The following CACNA1E variants were observed in gnomAD, a reference collection of about 807,000 sequenced individuals.
The protein encoded by CACNA1E is calcium voltage-gated channel subunit alpha1 E.
CACNA1E carries 40 observed loss-of-function variants against 259.2 expected under a neutral mutation model. The observed-to-expected ratio is 0.15, with a 90% confidence interval of 0.12 to 0.20. The LOEUF (loss-of-function observed/expected upper bound fraction) is 0.20, where lower values mean the gene tolerates loss of function less well. Among genes scored for constraint, CACNA1E ranks in the 10% least tolerant of loss-of-function variants. The probability of loss-of-function intolerance (pLI) is 1.00; values close to 1 mark genes in which losing one functional copy is unlikely to be tolerated. For synonymous variants in CACNA1E, 1,104 were observed against 1,138.5 expected, an observed-to-expected ratio of 0.97 and a Z score of 0.61; for missense variants, 1,874 against 3,040.1, an observed-to-expected ratio of 0.62 and a Z score of 9.02.
At chr1:181,791,616 A>T (rs1661317312) in intron 44 of CACNA1E, among the ~76,000 whole-genome samples, 1 of 152,216 alleles carries the variant, frequency 6.6e-6, no homozygotes, top group African/African-American at 2.4e-5. Flanking sequence ...CATTATTCCT[A>T]GTTCAGGAGC....
chr1:181,527,837 A>G (rs908501046), intron 3 of CACNA1E, among the ~76,000 whole-genome samples: 1 of 152,092 alleles, frequency 6.6e-6, no homozygotes, highest in Non-Finnish European at 1.5e-5. Context: ...AGAGAATATA[A>G]CACCTTAATA....
chr1:181,664,910 A>T lies in CACNA1E; in HGVS notation c.1055+13469A>T, dbSNP rs563792702. 2.6e-5 allele frequency among the ~76,000 whole-genome samples: 4 copies of T among 152,344 alleles called. No homozygotes were observed. The East Asian group carries it at 7.7e-4, about 29-fold the overall frequency. On this transcript the variant is annotated intron_variant, in intron 7 of 47. Coordinates refer to ENST00000367573, the MANE Select transcript of CACNA1E (RefSeq NM_001205293.3). ...AATCAAAACAAGGTACTGTTTTACA[A>T]GCATTTATCCTTTTTAAAGCGAACT...
At chr1:181,338,052 T>C (rs1651849336) in intron 1 of CACNA1E, among the ~76,000 whole-genome samples, 1 of 152,206 alleles carries the variant, frequency 6.6e-6, no homozygotes, top group African/African-American at 2.4e-5. Flanking sequence ...ATAGCCATAC[T>C]AACAGGTATA....
intron 7 of CACNA1E, among the ~76,000 whole-genome samples, chr1:181,687,345 T>C (rs1038809545): frequency 6.6e-6 from 1 of 152,202 alleles, no homozygotes; most frequent in Non-Finnish European, 1.5e-5. Flanking sequence ...ACAAGTTTCA[T>C]ACCCCCACTT....
At chr1:181,765,125 T>C (rs1301606352) in intron 34 of CACNA1E, among the ~76,000 whole-genome samples, 1 of 152,118 alleles carries the variant, frequency 6.6e-6, no homozygotes, top group Admixed American at 6.5e-5. Flanking sequence ...CCACACGATA[T>C]AAAGAGCATC....
Position 181,535,932 on chromosome 1 carries a change from C to T in CACNA1E, c.512+24422C>T, listed in dbSNP as rs188347207. On this transcript the variant is annotated intron_variant, in intron 3 of 47. Coordinates refer to ENST00000367573, the MANE Select transcript of CACNA1E (RefSeq NM_001205293.3). The stretch of plus-strand genomic sequence containing the variant: ...AAACTCCTGACCTCAGGTGGTCCAC[C>T]GACCTTGGCCTCCCAAAGTGCTGGG... 6.2e-4 allele frequency among the ~76,000 whole-genome samples: 95 copies of T among 152,198 alleles called. No individual in the cohort carries two copies. The East Asian group carries it at 0.016, about 26-fold the overall frequency.
Position 181,335,345 on chromosome 1 carries a change from GACTGAAACGGGAGT to G in CACNA1E, c.-15+17237_-15+17250del, listed in dbSNP as rs1329518206. Among the ~76,000 whole-genome samples, 6 of 152,208 alleles carry G rather than the reference GACTGAAACGGGAGT, an allele frequency of 3.9e-5. No individual in the cohort carries two copies. The East Asian group carries it at 9.6e-4, about 24-fold the overall frequency. ...GTCTTGACTGCACATAATGTCCCAA[GACTGAAACGGGAGT>G]ACTGAAACGGGAGTCTTGTCTTTCC... On this transcript the variant is annotated intron_variant, in intron 1 of 11. Coordinates refer to the CACNA1E transcript ENST00000524607.
intron 1 of CACNA1E, among the ~76,000 whole-genome samples, chr1:181,318,707 G>A (rs187580371): frequency 6.6e-6 from 1 of 152,340 alleles, no homozygotes; most frequent in Admixed American, 6.5e-5. Context: ...TTTCCGTGAA[G>A]GAAACTGCAT....
intron 9 of CACNA1E, among the ~76,000 whole-genome samples, chr1:181,715,702 G>A (rs1653819294): frequency 6.6e-6 from 1 of 152,118 alleles, no homozygotes. Flanking sequence ...AAATGTGTGG[G>A]GATCACCTTG....
chr1:181,483,384 C>T (rs896064431), upstream of CACNA1E: 11 of 176,852 alleles, frequency 6.2e-5, no homozygotes, highest in Non-Finnish European at 1.2e-4. Flanking sequence ...GCAGCCTACT[C>T]CACCCCTCTC....
chr1:181,442,109 C>T (rs1454029481), intron 2 of CACNA1E, among the ~76,000 whole-genome samples: 2 of 151,914 alleles, frequency 1.3e-5, no homozygotes, highest in Non-Finnish European at 2.9e-5. Flanking sequence ...TCCCATCTCA[C>T]TTGGGGCATG....
chr1:181,479,478 G>C (rs1451182676), upstream of CACNA1E, among the ~76,000 whole-genome samples: 1 of 152,164 alleles, frequency 6.6e-6, no homozygotes, highest in Non-Finnish European at 1.5e-5. Context: ...ATCCTTAATA[G>C]GACAGTGGAA....
At chr1:181,502,379 T>A (rs1445269273) in intron 1 of CACNA1E, among the ~76,000 whole-genome samples, 1 of 149,714 alleles carries the variant, frequency 6.7e-6, no homozygotes, top group African/African-American at 2.4e-5. Context: ...AATAGTTCTG[T>A]CTGTTTATTC....
At chr1:181,735,794 G>A (rs1175275478) in intron 21 of CACNA1E, among the ~76,000 whole-genome samples, 1 of 152,136 alleles carries the variant, frequency 6.6e-6, no homozygotes, top group Non-Finnish European at 1.5e-5. Context: ...ACCCATACTA[G>A]CTGTATGACC....
chr1:181,650,480 G>T (rs1212993490), intron 6 of CACNA1E, among the ~76,000 whole-genome samples: 1 of 152,212 alleles, frequency 6.6e-6, no homozygotes, highest in Non-Finnish European at 1.5e-5. Context: ...AGACTTCGAG[G>T]TGCTGTCAGG....
intron 3 of CACNA1E, among the ~76,000 whole-genome samples, chr1:181,531,095 C>T (rs1667750991): frequency 6.6e-6 from 1 of 152,152 alleles, no homozygotes; most frequent in African/African-American, 2.4e-5. Flanking sequence ...AGTGGTGTTT[C>T]CTTTGCAGCT....
intron 2 of CACNA1E, among the ~76,000 whole-genome samples, chr1:181,447,140 T>C (rs576650280): frequency 3.3e-5 from 5 of 152,270 alleles, no homozygotes; most frequent in Admixed American, 1.3e-4. Flanking sequence ...AATATCAAGG[T>C]TTCTCTTAGG....
At chr1:181,447,582 T>C (rs182866937) in intron 2 of CACNA1E, among the ~76,000 whole-genome samples, 38 of 152,052 alleles carry the variant, frequency 2.5e-4, no homozygotes, top group African/African-American at 9.2e-4. Context: ...AGTAAAGTGT[T>C]TTAGTTTTTC....
intron 7 of CACNA1E, among the ~76,000 whole-genome samples, chr1:181,694,210 A>G (rs892944717): frequency 6.6e-6 from 1 of 152,234 alleles, no homozygotes; most frequent in African/African-American, 2.4e-5. Flanking sequence ...GCATTTGAAA[A>G]TCAGTCAAGT....
Sources: allele counts gnomAD v4.1 joint callset (sites outside exome capture counted in the v4.1 genomes callset), GRCh38; gene constraint gnomAD v4.1.1; transcripts MANE v1.5; gene names NCBI Gene and HGNC (gene_info 2026-07-23, HGNC 2026-07-21).